Variants in HLA-G observed in about 807,000 individuals in gnomAD.
HLA-G encodes major histocompatibility complex, class I, G, also known as HLA class I histocompatibility antigen, alpha chain G.
HLA-G carries 34 observed loss-of-function variants against 39.3 expected under a neutral mutation model. The ratio of observed to expected loss-of-function variants is 0.86; its 90% CI spans 0.66 to 1.15. The LOEUF (loss-of-function observed/expected upper bound fraction) is 1.15, where lower values mean the gene tolerates loss of function less well. HLA-G is among the 50% of genes most tolerant of loss of function. The pLI, the probability that HLA-G is intolerant of heterozygous loss-of-function variation, is 0.00. For missense variants in HLA-G, 419 were observed against 456.4 expected (o/e 0.92, Z 0.75); for synonymous variants, 183 against 185.8 (o/e 0.99, Z 0.12).
Position 29,829,826 on chromosome 6 carries a change from C to T in HLA-G, c.906C>T (p.Ser302=), listed in dbSNP as rs1483973196. Residue 302 remains serine (S), a synonymous_variant, in exon 5 of 7, where the codon TCC becomes TCT. Coordinates refer to ENST00000360323, the MANE Select transcript of HLA-G (RefSeq NM_001384290.1). The stretch of plus-strand genomic sequence containing the variant: ...CACCTCCTTTCCCAGAGCAGTCTTC[C>T]CTGCCCACCATCCCCATCATGGGTA... The part of the protein sequence containing the change: ...EPLMLRWKQS[S]LPTIPIMGIV... The T allele has an allele frequency of 1.2e-6, 2 of 1,613,404 alleles. No homozygotes were observed. Among genetic ancestry groups the T allele is most frequent in the South Asian group, 1.1e-5 (1 of 91,002 alleles).
upstream of HLA-G, among the ~76,000 whole-genome samples, chr6:29,826,777 G>T (rs1760719317): frequency 6.6e-6 from 1 of 152,180 alleles, no homozygotes; most frequent in South Asian, 2.1e-4. Context: ...GGTCTGCCTA[G>T]AAACTAATTG....
Position 29,829,484 on chromosome 6 carries a change from C to T in HLA-G, c.686C>T (p.Ala229Val). Reference protein sequence around the residue: ...FDYEATLRCWALGFYPAEIIL... With the variant: ...FDYEATLRCWVLGFYPAEIIL... ...TATGAGGCCACCCTGAGGTGCTGGG[C>T]CCTGGGCTTCTACCCTGCGGAGATC... Residue 229 changes from alanine to valine, a missense_variant, in exon 4 of 7, where the codon GCC becomes GTC. Transcript: ENST00000360323. 1 of 1,613,890 alleles carries T rather than the reference C, an allele frequency of 6.2e-7. No individual in the cohort carries two copies. The highest frequency in any genetic ancestry group is 8.5e-7 in the Non-Finnish European group (1 of 1,179,854).
chr6:29,829,378 G>C (rs17875405), intron 3 of HLA-G, 40 bp from the exon 4 acceptor site: 63,223 of 1,599,266 alleles, frequency 0.04, 1,732 homozygotes, highest in African/African-American at 0.1. Context: ...TGTCCCATGA[G>C]AGATGCAAAG....
At position 29,829,563 on chromosome 6, in the gene HLA-G, G is replaced by A. The variant is rs777939526; in HGVS notation, c.765G>A (p.Val255=). Residue 255 remains valine (V), a synonymous_variant, in exon 4 of 7, where the codon GTG becomes GTA. Coordinates refer to ENST00000360323, the MANE Select transcript of HLA-G (RefSeq NM_001384290.1). The part of the protein sequence containing the change: ...GEDQTQDVEL[V]ETRPAGDGTF... The stretch of plus-strand genomic sequence containing the variant: ...ACCAGACCCAGGACGTGGAGCTCGT[G>A]GAGACCAGGCCTGCAGGGGATGGAA... 1 of 1,614,082 alleles carries A rather than the reference G, an allele frequency of 6.2e-7. No homozygotes were observed. Among genetic ancestry groups the A allele is most frequent in the East Asian group, 2.2e-5 (1 of 44,872 alleles).
intron 6 of HLA-G, 94 bp downstream of exon 6, chr6:29,830,504 C>A: frequency 9.2e-7 from 1 of 1,086,036 alleles, no homozygotes; most frequent in Non-Finnish European, 1.4e-6. Context: ...CCTCCTCTGG[C>A]CACATCTCCT....
chr6:29,830,375 C>T lies in HLA-G; in HGVS notation c.1013-3C>T, dbSNP rs1461596030. On this transcript the variant is annotated splice_region_variant and splice_polypyrimidine_tract_variant and intron_variant, in intron 5 of 6. Transcript: ENST00000360323. Reference sequence around the variant, plus strand: ...CCTCTCACAGGACATTTTCTTCCCACAGATTGAAAAGGAGGGAGCTACTCT... The same window carrying T: ...CCTCTCACAGGACATTTTCTTCCCATAGATTGAAAAGGAGGGAGCTACTCT... The T allele has an allele frequency of 6.2e-7, 1 of 1,613,754 alleles. No individual in the cohort carries two copies. The highest frequency in any genetic ancestry group is 1.3e-5 in the African/African-American group (1 of 75,042).
rs551276833 is a variant in HLA-G at position 29,828,945 on chromosome 6, A to G, written c.619+127A>G. ...CTCCCTCTGGTCCTGAGGGAGAGGA[A>G]TCCTCCTGGGTTTCCAGATCCTGTA... On this transcript the variant is annotated intron_variant, in intron 3 of 6. Transcript: ENST00000360323. The G allele has an allele frequency of 7.9e-6, 10 of 1,267,002 alleles. No homozygotes were observed. In the East Asian group the frequency reaches 2.4e-4, roughly 31 times the overall value. 78.5% of individuals were successfully genotyped at this position (1,267,002 alleles called of 1,614,324 possible). A position where few individuals can be genotyped will look rare whatever the true frequency, so the allele number is the denominator to read the frequency against.
Position 29,828,062 on chromosome 6 carries a change from G to C in HLA-G, c.89G>C (p.Arg30Thr). ...TETWAGSHSM[R>T]YFSAAVSRPG... ...TCGCCCCCAGGCTCCCACTCCATGA[G>C]GTATTTCAGCGCCGCCGTGTCCCGG... Residue 30 changes from arginine to threonine, a missense_variant, in exon 2 of 7, where the codon AGG (arginine) becomes ACG (threonine). Arg to Thr is a moderately conservative substitution (Grantham distance 71). Around this residue, in one of 2 missense-constraint regions of HLA-G, gnomAD observed 91 missense variants for 133.4 expected, o/e 0.68. Transcript: ENST00000360323. 6.2e-7 allele frequency: 1 copy of C among 1,611,442 alleles called. No homozygotes were observed. The highest frequency in any genetic ancestry group is 8.5e-7 in the Non-Finnish European group (1 of 1,179,414).
chr6:29,828,883 G>A, intron 3 of HLA-G, 65 bp downstream of exon 3: 1 of 1,606,468 alleles, frequency 6.2e-7, no homozygotes, highest in East Asian at 2.2e-5. Context: ...CTAGCACAAG[G>A]AGAGGAGGAA....
chr6:29,829,272 G>A, intron 3 of HLA-G, 146 bp from the exon 4 acceptor site: 1 of 875,902 alleles, frequency 1.1e-6, no homozygotes, highest in Non-Finnish European at 1.8e-6. Flanking sequence ...TATCCCAGGT[G>A]CCCGTGTCCA....
chr6:29,828,333 C>T lies in HLA-G; in HGVS notation c.343+17C>T, dbSNP rs756802655. 2 of 1,593,248 alleles carry T rather than the reference C, an allele frequency of 1.3e-6. No individual in the cohort carries two copies. Among genetic ancestry groups the T allele is most frequent in the Non-Finnish European group, 1.7e-6 (2 of 1,171,728 alleles). ...GCGAGGCCAGTGAGTAACTCCGGCC[C>T]AGGGAGCAGATCACGACCCCCACCT... is the stretch of plus-strand genomic sequence containing the variant. On this transcript the variant is annotated intron_variant, in intron 2 of 6. Coordinates refer to ENST00000360323, the MANE Select transcript of HLA-G (RefSeq NM_001384290.1).
intron 6 of HLA-G, 97 bp downstream of exon 6, chr6:29,830,507 C>G: frequency 1.9e-6 from 2 of 1,071,568 alleles, no homozygotes; most frequent in Non-Finnish European, 2.9e-6. Context: ...CCTCTGGCCA[C>G]ATCTCCTGTG....
Position 29,828,676 on chromosome 6 carries a change from A to G in HLA-G, c.477A>G (p.Ala159=), listed in dbSNP as rs772131236. The G allele has an allele frequency of 1.2e-6, 2 of 1,613,446 alleles. No homozygotes were observed. The highest frequency in any genetic ancestry group is 1.1e-5 in the South Asian group (1 of 91,070). Residue 159 remains alanine, a synonymous_variant, in exon 3 of 7, where the codon GCA becomes GCG. Coordinates refer to ENST00000360323, the MANE Select transcript of HLA-G (RefSeq NM_001384290.1). ...ACGAGGACCTGCGCTCCTGGACCGC[A>G]GCGGACACTGCGGCTCAGATCTCCA... The part of the protein sequence containing the change: ...ALNEDLRSWT[A]ADTAAQISKR...
In HLA-G at chr6:29,828,755, G is replaced by A. The variant is rs1760969353; in HGVS notation, c.556G>A (p.Gly186Ser). The change falls in exon 3 of 7, where the codon GGC becomes AGC. Residue 186 changes from glycine to serine, a missense_variant. By Grantham distance (56) the Gly-to-Ser change is moderately conservative (BLOSUM62 0). Around this residue, in one of 2 missense-constraint regions of HLA-G, gnomAD observed 328 missense variants for 323.0 expected, o/e 1.02. Transcript: ENST00000360323. ...TGAACAAAGGAGAGCCTACCTGGAG[G>A]GCACGTGCGTGGAGTGGCTCCACAG... Reference protein sequence around the residue: ...VAEQRRAYLEGTCVEWLHRYL... With the variant: ...VAEQRRAYLESTCVEWLHRYL... 6.2e-7 allele frequency: 1 copy of A among 1,614,046 alleles called. No homozygotes were observed. Among genetic ancestry groups the A allele is most frequent in the East Asian group, 2.2e-5 (1 of 44,880 alleles).
chr6:29,830,786 T>C lies in HLA-G; in HGVS notation c.*47T>C, dbSNP rs551200694. ...TCTGTAGTGTGAAACAGCTGCCCTG[T>C]GTGGGACTGAGTGGCAAGTCCCTTT... On this transcript the variant is annotated 3_prime_UTR_variant, in exon 7 of 7. Transcript: ENST00000360323. The C allele has an allele frequency of 1.2e-3, 563 of 451,788 alleles. 3 individuals are homozygous for C. The highest frequency in any genetic ancestry group is 0.011 in the African/African-American group (500 of 45,854). 28.0% of individuals were successfully genotyped at this position (451,788 alleles called of 1,614,324 possible).
intron 6 of HLA-G, 95 bp from the exon 7 acceptor site, chr6:29,830,669 GTTTC>G (rs943585217): frequency 1.5e-6 from 1 of 651,156 alleles, no homozygotes; most frequent in Admixed American, 2.1e-5. Flanking sequence ...GTGCTATGAG[GTTTC>G]TTTGACTTCA....
At chr6:29,830,316 C>T (rs2113863974) in intron 5 of HLA-G, 62 bp from the exon 6 acceptor site, 1 of 1,574,202 alleles carries the variant, frequency 6.4e-7, no homozygotes, top group Non-Finnish European at 8.7e-7. Flanking sequence ...CTAGGAGGTT[C>T]CTCTAGGACC....
chr6:29,828,267 C>T lies in HLA-G; in HGVS notation c.294C>T (p.Asp98=), dbSNP rs954164331. ...TRNTKAHAQT[D]RMNLQTLRGY... ...ACACCAAGGCCCACGCACAGACTGA[C>T]AGAATGAACCTGCAGACCCTGCGCG... is the stretch of plus-strand genomic sequence containing the variant. Residue 98 remains aspartate, a synonymous_variant, in exon 2 of 7, where the codon GAC becomes GAT. Transcript: ENST00000360323. 8 of 1,613,590 alleles carry T rather than the reference C, an allele frequency of 5.0e-6. No individual in the cohort carries two copies. The Admixed American group carries it at 1.2e-4, about 24-fold the overall frequency.
rs1448777822 is a variant in HLA-G, at chr6:29,827,851, G to A, written c.7G>A (p.Val3Ile). 7 of 1,613,258 alleles carry A rather than the reference G, an allele frequency of 4.3e-6. No individual in the cohort carries two copies. The African/African-American group carries it at 8.0e-5, about 18-fold the overall frequency. Reference protein sequence around the residue: MVVMAPRTLFLLL... With the variant: MVIMAPRTLFLLL... Reference sequence around the variant, plus strand: ...TTCTCCCCAGACGCCAAGGATGGTGGTCATGGCGCCCCGAACCCTCTTCCT... The same window carrying A: ...TTCTCCCCAGACGCCAAGGATGGTGATCATGGCGCCCCGAACCCTCTTCCT... Residue 3 changes from valine (V) to isoleucine (I), a missense_variant, in exon 1 of 7, where the codon GTC (valine) becomes ATC (isoleucine). Coordinates refer to ENST00000360323, the MANE Select transcript of HLA-G (RefSeq NM_001384290.1).
Sources: gnomAD v4.1 joint callset for allele counts (sites outside exome capture counted in the v4.1 genomes callset) on GRCh38, gnomAD v4.1.1 for gene constraint, gnomAD v4.1.1 regional missense constraint, MANE v1.5 for transcripts, NCBI Gene and HGNC (gene_info 2026-07-23, HGNC 2026-07-21) for gene names.